The following TMEFF2 variants were observed in gnomAD, a reference collection of about 807,000 sequenced individuals.
TMEFF2 encodes the protein transmembrane protein with EGF like and two follistatin like domains 2.
A neutral mutation model predicts 53.8 loss-of-function variants in TMEFF2; 28 were observed. That is an observed-to-expected ratio of 0.52 (90% CI 0.39 to 0.71). The LOEUF (loss-of-function observed/expected upper bound fraction) is 0.71, where lower values mean the gene tolerates loss of function less well. Ranked by LOEUF, TMEFF2 falls within the 30% of genes least tolerant of loss-of-function variation. TMEFF2 has a pLI of 0.00. For synonymous variants in TMEFF2, 162 were observed against 166.3 expected, an observed-to-expected ratio of 0.97 and a Z score of 0.20; for missense variants, 353 against 455.2, an observed-to-expected ratio of 0.78 and a Z score of 2.04.
chr2:192,169,654 CT>C (rs1423513096), intron 4 of TMEFF2, among the ~76,000 whole-genome samples: 9 of 152,142 alleles, frequency 5.9e-5, no homozygotes, highest in African/African-American at 2.2e-4. Context: ...TGTTAGGAGG[CT>C]TTTTTCCAAT....
At chr2:192,111,895 G>A (rs1474291539) in intron 4 of TMEFF2, among the ~76,000 whole-genome samples, 2 of 152,224 alleles carry the variant, frequency 1.3e-5, no homozygotes, top group Admixed American at 1.3e-4. Flanking sequence ...CAAGCCCCAA[G>A]CCTTGGCAGT....
At chr2:192,130,606 G>A (rs185101416) in intron 4 of TMEFF2, among the ~76,000 whole-genome samples, 4 of 152,072 alleles carry the variant, frequency 2.6e-5, no homozygotes, top group South Asian at 2.1e-4. Flanking sequence ...CCCCCACTGA[G>A]CACCTTGTGA....
At chr2:191,957,702 T>C (rs1271697624) in intron 7 of TMEFF2, among the ~76,000 whole-genome samples, 1 of 152,234 alleles carries the variant, frequency 6.6e-6, no homozygotes, top group African/African-American at 2.4e-5. Flanking sequence ...TGCATCATTA[T>C]GATGGGCAAT....
chr2:192,055,842 T>C (rs1203913982), intron 5 of TMEFF2, among the ~76,000 whole-genome samples: 1 of 151,794 alleles, frequency 6.6e-6, no homozygotes, highest in African/African-American at 2.4e-5. Context: ...AACATACATT[T>C]GTTTACCTCA....
At chr2:191,986,220 G>A (rs1412395249) in intron 7 of TMEFF2, among the ~76,000 whole-genome samples, 1 of 152,168 alleles carries the variant, frequency 6.6e-6, no homozygotes, top group Non-Finnish European at 1.5e-5. Context: ...GGTTGCTGTT[G>A]CCTCCTTAAA....
At chr2:192,009,119 C>T (rs1686568049) in intron 5 of TMEFF2, among the ~76,000 whole-genome samples, 1 of 152,182 alleles carries the variant, frequency 6.6e-6, no homozygotes, top group South Asian at 2.1e-4. Flanking sequence ...TCAGAGAACA[C>T]AAGGTAGTCC....
intron 5 of TMEFF2, among the ~76,000 whole-genome samples, chr2:192,049,859 G>A (rs913947584): frequency 6.6e-6 from 1 of 152,078 alleles, no homozygotes; most frequent in African/African-American, 2.4e-5. Flanking sequence ...AAATTAGCCG[G>A]GCGTGGTGGC....
chr2:191,998,324 G>C lies in TMEFF2; in HGVS notation c.686-3C>G, dbSNP rs769239017. 6.3e-7 allele frequency: 1 copy of C among 1,593,012 alleles called. No individual in the cohort carries two copies. The highest frequency in any genetic ancestry group is 8.5e-7 in the Non-Finnish European group (1 of 1,169,598). On this transcript the variant is annotated splice_region_variant and splice_polypyrimidine_tract_variant and intron_variant, in intron 6 of 9. Transcript: ENST00000272771. ...CTTAGTAGTTGTAGTTGTGTTATCT[G>C]TGTTAAAAAATTAACAATAAAAATT...
intron 5 of TMEFF2, among the ~76,000 whole-genome samples, chr2:192,037,642 AAAGAGAG>A (rs1687361173): frequency 2.1e-4 from 5 of 23,620 alleles, no homozygotes; most frequent in Admixed American, 7.1e-4. Context: ...AAAGAGAGAG[AAAGAGAG>A]AGAGAGAGAG....
intron 4 of TMEFF2, among the ~76,000 whole-genome samples, chr2:192,075,285 T>TTTTATATATATA (rs1553518755): frequency 1.5e-5 from 1 of 65,776 alleles, no homozygotes; most frequent in Non-Finnish European, 2.7e-5. Context: ...TACAGTACTA[T>TTTTATATATATA]TATATATATA....
At chr2:191,994,525 T>G (rs570238905) in intron 7 of TMEFF2, among the ~76,000 whole-genome samples, 2 of 149,946 alleles carry the variant, frequency 1.3e-5, no homozygotes, top group East Asian at 3.9e-4. Context: ...GAAAAACAAA[T>G]AGTTGAACTT....
intron 7 of TMEFF2, among the ~76,000 whole-genome samples, chr2:191,976,846 G>C (rs1685740955): frequency 6.6e-6 from 1 of 152,156 alleles, no homozygotes; most frequent in Non-Finnish European, 1.5e-5. Context: ...AAGATCACAG[G>C]CTTGGGAGTT....
rs1262733042 is a variant in TMEFF2 at position 192,194,510 on chromosome 2, C to G, written c.15G>C (p.Glu5Asp). The change falls in exon 1 of 10, where the codon GAG (glutamate) becomes GAC (aspartate). Residue 5 changes from glutamate (E) to aspartate (D), a missense_variant. By Grantham distance (45) the Glu-to-Asp change is conservative (BLOSUM62 2). Transcript: ENST00000272771. This position sits in a 1 kb window ranked among gnomAD's most constrained non-coding sequence, Gnocchi z 4.2. ...TCCAGCTGCTGCACTGCCGCGGGGACTCCCACAGCACCATGACTAGTTCGT... is the reference window on the plus strand; with the variant it reads ...TCCAGCTGCTGCACTGCCGCGGGGAGTCCCACAGCACCATGACTAGTTCGT... The part of the protein sequence containing the change: MVLW[E>D]SPRQCSSWTL... 1 of 1,613,526 alleles carries G rather than the reference C, an allele frequency of 6.2e-7. No homozygotes were observed.
At chr2:191,970,581 G>A (rs1204533268) in intron 7 of TMEFF2, among the ~76,000 whole-genome samples, 2 of 152,204 alleles carry the variant, frequency 1.3e-5, no homozygotes, top group Admixed American at 6.5e-5. Context: ...TTGAGAGAAA[G>A]TGTGGCCTTT....
chr2:192,130,105 C>T (rs1008093129), intron 4 of TMEFF2, among the ~76,000 whole-genome samples: 1 of 151,890 alleles, frequency 6.6e-6, no homozygotes, highest in East Asian at 1.9e-4. Context: ...GTTCTGTGAG[C>T]GTACGTATTA....
chr2:192,076,074 C>T (rs1688425667), intron 4 of TMEFF2, among the ~76,000 whole-genome samples: 1 of 151,388 alleles, frequency 6.6e-6, no homozygotes, highest in Non-Finnish European at 1.5e-5. Flanking sequence ...TGTTAGCAGC[C>T]ACACATTACT....
chr2:192,188,079 T>C (rs1691358893), intron 2 of TMEFF2, among the ~76,000 whole-genome samples: 1 of 152,120 alleles, frequency 6.6e-6, no homozygotes, highest in African/African-American at 2.4e-5. Flanking sequence ...ATATGGTATA[T>C]TTTTCTTCCA....
intron 4 of TMEFF2, among the ~76,000 whole-genome samples, chr2:192,117,546 G>A (rs910597169): frequency 6.6e-6 from 1 of 152,084 alleles, no homozygotes; most frequent in Non-Finnish European, 1.5e-5. Context: ...AGGGTCTGGA[G>A]GCAGAGAACC....
intron 7 of TMEFF2, among the ~76,000 whole-genome samples, chr2:191,960,649 A>C (rs1279699978): frequency 1.3e-5 from 2 of 152,316 alleles, no homozygotes; most frequent in East Asian, 3.9e-4. Flanking sequence ...GCAAATGTAT[A>C]CAAATTCTTA....
Sources: gnomAD v4.1 joint callset for allele counts (sites outside exome capture counted in the v4.1 genomes callset) on GRCh38, gnomAD v4.1.1 for gene constraint, Gnocchi (gnomAD v3.1) non-coding constraint, MANE v1.5 for transcripts, NCBI Gene and HGNC (gene_info 2026-07-23, HGNC 2026-07-21) for gene names.